Variants in HSBP1 observed in about 807,000 individuals in gnomAD.
HSBP1 encodes the protein heat shock factor-binding protein 1.
In HSBP1, 5 loss-of-function variants were observed where a neutral mutation model predicts 9.6. The observed-to-expected ratio is 0.52, with a 90% confidence interval of 0.27 to 1.09. HSBP1 has a LOEUF of 1.09. Among genes scored for constraint, HSBP1 ranks in the 50% least tolerant of loss-of-function variants. HSBP1 has a pLI of 0.11. For synonymous variants in HSBP1, 42 were observed against 33.3 expected (o/e 1.26, Z -0.90); for missense variants, 121 against 96.3 (o/e 1.26, Z -1.07).
Position 83,813,681 on chromosome 16 carries a change from CA to C in HSBP1, c.*2264del. ...CAGCTATTCTTGTTCGTTTACCAGC[CA>C]GTGAAGATTCTCTTGAGGGCTGAAC... On this transcript the variant is annotated 3_prime_UTR_variant, in exon 4 of 4. Coordinates refer to ENST00000433866, the MANE Select transcript of HSBP1 (RefSeq NM_001537.4). The C allele has an allele frequency of 6.6e-6, 1 of 152,286 alleles. No homozygotes were observed. The highest frequency in any genetic ancestry group is 2.4e-5 in the African/African-American group (1 of 41,546). 9.4% of individuals were successfully genotyped at this position (152,286 alleles called of 1,614,324 possible).
At chr16:83,808,230 G>T in intron 1 of HSBP1, 109 bp downstream of exon 1, 1 of 960,506 alleles carries the variant, frequency 1.0e-6, no homozygotes, top group Non-Finnish European at 1.5e-6. Flanking sequence ...CGTCTGCCGA[G>T]GCCCCGTTTC....
chr16:83,810,115 A>G (rs1013468217), intron 3 of HSBP1, among the ~76,000 whole-genome samples: 3 of 132,786 alleles, frequency 2.3e-5, no homozygotes, highest in Non-Finnish European at 3.2e-5. Flanking sequence ...TTTTTTTTTT[A>G]TGGAAATAAC....
chr16:83,808,553 G>C, intron 1 of HSBP1, 127 bp from the exon 2 acceptor site: 1 of 671,694 alleles, frequency 1.5e-6, no homozygotes, highest in East Asian at 2.8e-5. Context: ...AGATCTTGCT[G>C]AAGGCCGCAC....
chr16:83,815,115 A>G lies in HSBP1; in HGVS notation c.*3697A>G, dbSNP rs989505523. ...ATCTTGCATTAATTTTAAGTGTCTG[A>G]TTTTAGCTGCAGCCACTTGAGAACT... On this transcript the variant is annotated 3_prime_UTR_variant, in exon 4 of 4. Transcript: ENST00000433866. 1 of 152,116 alleles carries G rather than the reference A, an allele frequency of 6.6e-6. No homozygotes were observed. The highest frequency in any genetic ancestry group is 1.9e-4 in the East Asian group (1 of 5,190). The allele number at this position is 152,116 out of a possible 1,614,324, so 9.4% of individuals were successfully genotyped here. A position where few individuals can be genotyped will look rare whatever the true frequency, so the allele number is the denominator to read the frequency against.
rs1352853078 is a variant in HSBP1, at chr16:83,812,454, A to T, written c.*1036A>T. The T allele has an allele frequency of 6.6e-6, 1 of 152,244 alleles. No individual in the cohort carries two copies. The highest frequency in any genetic ancestry group is 2.4e-5 in the African/African-American group (1 of 41,460). The allele number at this position is 152,244 out of a possible 1,614,324, so 9.4% of individuals were successfully genotyped here. A position where few individuals can be genotyped will look rare whatever the true frequency, so the allele number is the denominator to read the frequency against. On this transcript the variant is annotated 3_prime_UTR_variant, in exon 4 of 4. Coordinates refer to ENST00000433866, the MANE Select transcript of HSBP1 (RefSeq NM_001537.4). ...TCTGGCCACTCAAAAATGCAGTGCC[A>T]GGAGTGCTAAACCTAGAGGCCAATA...
chr16:83,810,537 A>T (rs1381186649), intron 3 of HSBP1, among the ~76,000 whole-genome samples: 5 of 149,806 alleles, frequency 3.3e-5, no homozygotes, highest in Non-Finnish European at 5.9e-5. Flanking sequence ...AAAAAAAAAA[A>T]AAAAAAAGGT....
intron 2 of HSBP1, 63 bp from the exon 3 acceptor site, chr16:83,809,232 GGCTGTAGTCT>G: frequency 1.1e-6 from 1 of 933,500 alleles, no homozygotes; most frequent in Non-Finnish European, 1.7e-6. Flanking sequence ...TTGTGTTTAA[GGCTGTAGTCT>G]GCAGGGACGG....
At chr16:83,810,332 A>C (rs941317634) in intron 3 of HSBP1, among the ~76,000 whole-genome samples, 11 of 152,056 alleles carry the variant, frequency 7.2e-5, no homozygotes, top group Non-Finnish European at 1.3e-4. Flanking sequence ...GTACAGAATC[A>C]CTCAGCAGAG....
At position 83,816,675 on chromosome 16, in the gene HSBP1, A is replaced by G. The variant is rs565519692; in HGVS notation, c.*5257A>G. The G allele has an allele frequency of 5.3e-5, 8 of 152,288 alleles. No individual in the cohort carries two copies. Among genetic ancestry groups the G allele is most frequent in the African/African-American group, 1.9e-4 (8 of 41,560 alleles). The allele number at this position is 152,288 out of a possible 1,614,324, so 9.4% of individuals were successfully genotyped here. A position where few individuals can be genotyped will look rare whatever the true frequency, so the allele number is the denominator to read the frequency against. ...TACTGGCATCAAGAGTGTAGAAACC[A>G]GGGATGCTGCGTCAACACCCTACCA... is the stretch of plus-strand genomic sequence containing the variant. On this transcript the variant is annotated 3_prime_UTR_variant, in exon 4 of 4. Transcript: ENST00000433866.
In HSBP1 at chr16:83,817,679, T is replaced by C. The variant is rs1451479856; in HGVS notation, c.*6261T>C. The C allele has an allele frequency of 6.6e-6, 1 of 152,210 alleles. No homozygotes were observed. The highest frequency in any genetic ancestry group is 2.4e-5 in the African/African-American group (1 of 41,444). 9.4% of individuals were successfully genotyped at this position (152,210 alleles called of 1,614,324 possible). A position where few individuals can be genotyped will look rare whatever the true frequency, so the allele number is the denominator to read the frequency against. Reference sequence around the variant, plus strand: ...AAAGAAACTTTACATATTAAATATCTTAAAGGTCTTTTATGCAGAATATGC... The same window carrying C: ...AAAGAAACTTTACATATTAAATATCCTAAAGGTCTTTTATGCAGAATATGC... On this transcript the variant is annotated 3_prime_UTR_variant, in exon 4 of 4. Coordinates refer to ENST00000433866, the MANE Select transcript of HSBP1 (RefSeq NM_001537.4).
intron 3 of HSBP1, among the ~76,000 whole-genome samples, chr16:83,810,597 AG>A (rs1474668916): frequency 6.7e-6 from 1 of 150,192 alleles, no homozygotes; most frequent in Non-Finnish European, 1.5e-5. Context: ...TGGGAGGCAA[AG>A]GCAGGCAGAG....
chr16:83,809,169 C>G (rs1214936444), intron 2 of HSBP1, 136 bp from the exon 3 acceptor site: 3 of 629,534 alleles, frequency 4.8e-6, no homozygotes, highest in African/African-American at 1.8e-5. Context: ...CTCTTACCCA[C>G]CAGCGTGTAA....
rs1234118039 is a variant in HSBP1 at position 83,807,981 on chromosome 16, C to G, written c.-96C>G. On this transcript the variant is annotated 5_prime_UTR_variant, in exon 1 of 4. Coordinates refer to ENST00000433866, the MANE Select transcript of HSBP1 (RefSeq NM_001537.4). ...CCCCGCGGTCCCGCGAGCTGCCAGT[C>G]TCGTCGCGAGAAGCAGCGGCCCGGG... The G allele has an allele frequency of 7.0e-6, 8 of 1,140,982 alleles. No homozygotes were observed. The highest frequency in any genetic ancestry group is 6.0e-5 in the East Asian group (2 of 33,072). 70.7% of individuals were successfully genotyped at this position (1,140,982 alleles called of 1,614,324 possible).
In HSBP1 at chr16:83,808,689, C is replaced by G. The variant is rs1419968526; in HGVS notation, c.55C>G (p.Leu19Val). 6.2e-7 allele frequency: 1 copy of G among 1,612,150 alleles called. No homozygotes were observed. The highest frequency in any genetic ancestry group is 8.5e-7 in the Non-Finnish European group (1 of 1,178,590). ...TTTCGGTTTTTCTTAGGTGCAGACACTCCTGCAGCAGATGCAAGATAAATT... is the reference window on the plus strand; with the variant it reads ...TTTCGGTTTTTCTTAGGTGCAGACAGTCCTGCAGCAGATGCAAGATAAATT... Reference protein sequence around the residue: ...VQDLTSVVQTLLQQMQDKFQT... With the variant: ...VQDLTSVVQTVLQQMQDKFQT... Residue 19 changes from leucine (L) to valine (V), a missense_variant, in exon 2 of 4, where the codon CTC (leucine) becomes GTC (valine). By Grantham distance (32) the Leu-to-Val change is conservative. Transcript: ENST00000433866.
At position 83,818,797 on chromosome 16, in the gene HSBP1, A is replaced by G. The variant is rs895461441; in HGVS notation, c.*7379A>G. On this transcript the variant is annotated 3_prime_UTR_variant, in exon 4 of 4. Transcript: ENST00000433866. Reference sequence around the variant, plus strand: ...CTCTCTACTGGGACTTGTTTTCCATAATTGGTCTGAGAACAACAGATTTTT... The same window carrying G: ...CTCTCTACTGGGACTTGTTTTCCATGATTGGTCTGAGAACAACAGATTTTT... The G allele has an allele frequency of 4.6e-5, 7 of 152,170 alleles. No individual in the cohort carries two copies. Among genetic ancestry groups the G allele is most frequent in the African/African-American group, 2.4e-5 (1 of 41,434 alleles). 9.4% of individuals were successfully genotyped at this position (152,170 alleles called of 1,614,324 possible). A position where few individuals can be genotyped will look rare whatever the true frequency, so the allele number is the denominator to read the frequency against.
chr16:83,808,018 G>T lies in HSBP1; in HGVS notation c.-59G>T. The T allele has an allele frequency of 1.4e-6, 2 of 1,448,696 alleles. No homozygotes were observed. Among genetic ancestry groups the T allele is most frequent in the Non-Finnish European group, 1.8e-6 (2 of 1,082,274 alleles). The allele number at this position is 1,448,696 out of a possible 1,614,324, so 89.7% of individuals were successfully genotyped here. A position where few individuals can be genotyped will look rare whatever the true frequency, so the allele number is the denominator to read the frequency against. On this transcript the variant is annotated 5_prime_UTR_variant, in exon 1 of 4. Coordinates refer to ENST00000433866, the MANE Select transcript of HSBP1 (RefSeq NM_001537.4). The stretch of plus-strand genomic sequence containing the variant: ...AGCAGCGGCCCGGGGCGACTGAGCG[G>T]ACAAACGGAAGTGTAGGTTACGGTC...
rs371266117 is a variant in HSBP1, at chr16:83,808,035, G to A, written c.-42G>A. On this transcript the variant is annotated 5_prime_UTR_variant, in exon 1 of 4. Transcript: ENST00000433866. ...ACTGAGCGGACAAACGGAAGTGTAG[G>A]TTACGGTCTGAGACATCACCGCCAA... The A allele has an allele frequency of 1.6e-3, 2,477 of 1,506,136 alleles. 1 individual carries two copies. Among genetic ancestry groups the A allele is most frequent in the Non-Finnish European group, 2.1e-3 (2,352 of 1,124,704 alleles). 93.3% of individuals were successfully genotyped at this position (1,506,136 alleles called of 1,614,324 possible).
rs1373008653 is a variant in HSBP1 at position 83,814,083 on chromosome 16, G to A, written c.*2665G>A. On this transcript the variant is annotated 3_prime_UTR_variant, in exon 4 of 4. Coordinates refer to ENST00000433866, the MANE Select transcript of HSBP1 (RefSeq NM_001537.4). ...TTCAACATGCTGTTTGTAAATGGAA[G>A]CCTTCCCAAGCAGACACTGTGTTCC... 6.6e-6 allele frequency: 1 copy of A among 152,156 alleles called. No individual in the cohort carries two copies. The highest frequency in any genetic ancestry group is 1.9e-4 in the East Asian group (1 of 5,202). 9.4% of individuals were successfully genotyped at this position (152,156 alleles called of 1,614,324 possible).
rs1363024791 is a variant in HSBP1, at chr16:83,819,497, T to A, written c.*8079T>A. Reference sequence around the variant, plus strand: ...GAGTCCACCCCTAAGCCCGAGGAACTGAGCGTGAAGAGCCCTGACGCCATG... The same window carrying A: ...GAGTCCACCCCTAAGCCCGAGGAACAGAGCGTGAAGAGCCCTGACGCCATG... On this transcript the variant is annotated 3_prime_UTR_variant, in exon 4 of 4. Transcript: ENST00000433866. 6.6e-6 allele frequency: 1 copy of A among 152,174 alleles called. No individual in the cohort carries two copies. The highest frequency in any genetic ancestry group is 1.5e-5 in the Non-Finnish European group (1 of 68,030). The allele number at this position is 152,174 out of a possible 1,614,324, so 9.4% of individuals were successfully genotyped here.
Sources: allele counts gnomAD v4.1 joint callset (sites outside exome capture counted in the v4.1 genomes callset), GRCh38; gene constraint gnomAD v4.1.1; transcripts MANE v1.5; gene names NCBI Gene and HGNC (gene_info 2026-07-23, HGNC 2026-07-21).